The following MYBPC3 variants were observed in gnomAD, a reference collection of about 807,000 sequenced individuals.
The protein encoded by MYBPC3 is myosin-binding protein C, cardiac-type.
Under a neutral mutation model 159.3 loss-of-function variants are expected in MYBPC3, and 108 were observed. That is an observed-to-expected ratio of 0.68 (90% CI 0.58 to 0.80). The LOEUF (loss-of-function observed/expected upper bound fraction) is 0.80. Among genes scored for constraint, MYBPC3 ranks in the 30% least tolerant of loss-of-function variants. MYBPC3 has a pLI of 0.00. For synonymous variants in MYBPC3, 730 were observed against 702.0 expected, an observed-to-expected ratio of 1.04 and a Z score of -0.63; for missense variants, 1,631 against 1,762.1, an observed-to-expected ratio of 0.93 and a Z score of 1.33.
At chr11:47,342,376 G>A (rs2095889576) in intron 17 of MYBPC3, among the ~76,000 whole-genome samples, 1 of 152,198 alleles carries the variant, frequency 6.6e-6, no homozygotes, top group South Asian at 2.1e-4. Flanking sequence ...CACCAGGCCC[G>A]TATGACCCTC....
chr11:47,335,739 C>G, intron 26 of MYBPC3, 138 bp downstream of exon 26: 1 of 716,284 alleles, frequency 1.4e-6, no homozygotes, highest in Non-Finnish European at 2.1e-6. Context: ...CTTCTGAAAA[C>G]AGGACAGATA....
At chr11:47,341,805 T>G (rs2095888864) in intron 18 of MYBPC3, among the ~76,000 whole-genome samples, 186 bp downstream of exon 18, 1 of 152,196 alleles carries the variant, frequency 6.6e-6, no homozygotes, top group Non-Finnish European at 1.5e-5. Flanking sequence ...TCTTTCTGTC[T>G]CTTTGTCTTT....
Position 47,351,228 on chromosome 11 carries a change from C to G in MYBPC3, c.292+11G>C, listed in dbSNP as rs1401899455. ...AGCCCAAACCTCAGGGAAGGCTGAT[C>G]AGGATCTTACCTGCCTCTATGACCT... On this transcript the variant is annotated intron_variant, in intron 2 of 34. Coordinates refer to ENST00000545968, the MANE Select transcript of MYBPC3 (RefSeq NM_000256.3). This position sits in a 1 kb window ranked among gnomAD's most constrained non-coding sequence, Gnocchi z 4.2. The G allele has an allele frequency of 1.4e-6, 2 of 1,426,174 alleles. No individual in the cohort carries two copies. Among genetic ancestry groups the G allele is most frequent in the Non-Finnish European group, 1.9e-6 (2 of 1,066,020 alleles). 88.3% of individuals were successfully genotyped at this position (1,426,174 alleles called of 1,614,324 possible). A position where few individuals can be genotyped will look rare whatever the true frequency, so the allele number is the denominator to read the frequency against.
Position 47,346,716 on chromosome 11 carries a change from C to G in MYBPC3, c.909-72G>C. Reference sequence around the variant, plus strand: ...GGTATGGCCACCTTCCCTCAAAGACCTGGACCCCACCCATGGGCCTTTACT... The same window carrying G: ...GGTATGGCCACCTTCCCTCAAAGACGTGGACCCCACCCATGGGCCTTTACT... On this transcript the variant is annotated intron_variant, in intron 10 of 34. Coordinates refer to ENST00000545968, the MANE Select transcript of MYBPC3 (RefSeq NM_000256.3). The surrounding 1 kb of genome is among the most constrained non-coding windows in gnomAD (Gnocchi z 5.3). 6.9e-7 allele frequency: 1 copy of G among 1,458,398 alleles called. No individual in the cohort carries two copies. Among genetic ancestry groups the G allele is most frequent in the Non-Finnish European group, 9.3e-7 (1 of 1,080,834 alleles). 90.3% of individuals were successfully genotyped at this position (1,458,398 alleles called of 1,614,324 possible). A position where few individuals can be genotyped will look rare whatever the true frequency, so the allele number is the denominator to read the frequency against.
At position 47,338,168 on chromosome 11, in the gene MYBPC3, C is replaced by T. The variant is rs555716153; in HGVS notation, c.2308+352G>A. ...ATTCTCCACACCCAAAAGGCCCTTT[C>T]CCTCCTCCACCCCTTTGTACACAGT... On this transcript the variant is annotated intron_variant, in intron 23 of 34. Coordinates refer to ENST00000545968, the MANE Select transcript of MYBPC3 (RefSeq NM_000256.3). The surrounding 1 kb of genome is among the most constrained non-coding windows in gnomAD (Gnocchi z 4.7). 4.1e-4 allele frequency among the ~76,000 whole-genome samples: 62 copies of T among 152,190 alleles called. No homozygotes were observed. The highest frequency in any genetic ancestry group is 7.5e-4 in the Non-Finnish European group (51 of 67,998).
At chr11:47,348,812 G>A (rs2095897225) in intron 5 of MYBPC3, among the ~76,000 whole-genome samples, 1 of 149,562 alleles carries the variant, frequency 6.7e-6, no homozygotes, top group African/African-American at 2.5e-5. Context: ...GGCTGAGGTG[G>A]GAGAATCGCT....
At chr11:47,333,776 C>A in intron 28 of MYBPC3, 24 bp from the exon 29 acceptor site, 1 of 1,578,286 alleles carries the variant, frequency 6.3e-7, no homozygotes, top group Non-Finnish European at 8.6e-7. Flanking sequence ...AAGCTTAACC[C>A]TGAACCTGGA....
chr11:47,350,512 TG>T lies in MYBPC3; in HGVS notation c.395del (p.Pro132GlnfsTer27). The stretch of plus-strand genomic sequence containing the variant: ...CCCAGCCCCTCTCACCTTTGGGACT[TG>T]GGGCACTTTCTCCCAGCTCAGCGGC... ...APAAELGESA[P>X]SPKGSSSAAL... On this transcript the variant is annotated frameshift_variant, in exon 3 of 35. Coordinates refer to ENST00000545968, the MANE Select transcript of MYBPC3 (RefSeq NM_000256.3). LOFTEE classifies it high-confidence loss of function. The T allele has an allele frequency of 6.4e-7, 1 of 1,558,296 alleles. No individual in the cohort carries two copies. The highest frequency in any genetic ancestry group is 8.7e-7 in the Non-Finnish European group (1 of 1,155,614).
Position 47,346,911 on chromosome 11 carries a change from G to T in MYBPC3, c.908+116C>A. On this transcript the variant is annotated intron_variant, in intron 10 of 34. Coordinates refer to ENST00000545968, the MANE Select transcript of MYBPC3 (RefSeq NM_000256.3). This position sits in a 1 kb window ranked among gnomAD's most constrained non-coding sequence, Gnocchi z 5.3. ...GGCACAGAGACTCACCCCTGTCCGTGGGGAGCCGCACCCTGCTCTGAGTCT... is the reference window on the plus strand; with the variant it reads ...GGCACAGAGACTCACCCCTGTCCGTTGGGAGCCGCACCCTGCTCTGAGTCT... 1 of 741,726 alleles carries T rather than the reference G, an allele frequency of 1.3e-6. No individual in the cohort carries two copies. Among genetic ancestry groups the T allele is most frequent in the Non-Finnish European group, 2.5e-6 (1 of 408,152 alleles). 45.9% of individuals were successfully genotyped at this position (741,726 alleles called of 1,614,324 possible).
chr11:47,333,758 G>A lies in MYBPC3; in HGVS notation c.2995-6C>T. ...ACCTGAGGCCGGGGCTTGCCCTGAG[G>A]GGAGGAAAAGCTTAACCCTGAACCT... is the stretch of plus-strand genomic sequence containing the variant. On this transcript the variant is annotated splice_region_variant and splice_polypyrimidine_tract_variant and intron_variant, in intron 28 of 34. Transcript: ENST00000545968. 6.3e-7 allele frequency: 1 copy of A among 1,587,168 alleles called. No individual in the cohort carries two copies. The highest frequency in any genetic ancestry group is 8.6e-7 in the Non-Finnish European group (1 of 1,167,494).
intron 26 of MYBPC3, 141 bp downstream of exon 26, chr11:47,335,736 A>G (rs2095881571): frequency 2.8e-6 from 2 of 713,842 alleles, no homozygotes; most frequent in Non-Finnish European, 4.2e-6. Context: ...TTACTTCTGA[A>G]AACAGGACAG....
Position 47,350,493 on chromosome 11 carries a change from C to G in MYBPC3, c.406+9G>C, listed in dbSNP as rs1477154867. 6.4e-7 allele frequency: 1 copy of G among 1,553,464 alleles called. No homozygotes were observed. Among genetic ancestry groups the G allele is most frequent in the Non-Finnish European group, 8.7e-7 (1 of 1,151,360 alleles). ...CGGATCCTGCCCCTCCCTGCCCAGC[C>G]CCTCTCACCTTTGGGACTTGGGGCA... is the stretch of plus-strand genomic sequence containing the variant. On this transcript the variant is annotated intron_variant, in intron 3 of 34. Coordinates refer to ENST00000545968, the MANE Select transcript of MYBPC3 (RefSeq NM_000256.3).
rs2095893750 is a variant in MYBPC3, at chr11:47,346,098, G to A, written c.1090+109C>T. ...TGTGGACGAGGTGGGGGGCTAACCTGTGCCCTCTCCTCTCCCCTGTGGGGA... is the reference window on the plus strand; with the variant it reads ...TGTGGACGAGGTGGGGGGCTAACCTATGCCCTCTCCTCTCCCCTGTGGGGA... On this transcript the variant is annotated intron_variant, in intron 12 of 34. Transcript: ENST00000545968. This position sits in a 1 kb window ranked among gnomAD's most constrained non-coding sequence, Gnocchi z 5.3. 1.4e-6 allele frequency: 2 copies of A among 1,454,460 alleles called. No individual in the cohort carries two copies. The highest frequency in any genetic ancestry group is 2.0e-5 in the Admixed American group (1 of 49,598). 90.1% of individuals were successfully genotyped at this position (1,454,460 alleles called of 1,614,324 possible).
In MYBPC3 at chr11:47,335,973, C is replaced by A. The variant is rs727504360; in HGVS notation, c.2641G>T (p.Val881Phe). 4 of 1,552,572 alleles carry A rather than the reference C, an allele frequency of 2.6e-6. No individual in the cohort carries two copies. The highest frequency in any genetic ancestry group is 2.6e-6 in the Non-Finnish European group (3 of 1,150,354). The change falls in exon 26 of 35, where the codon GTC becomes TTC. Residue 881 changes from valine (V) to phenylalanine (F), a missense_variant. Physicochemically the swap from Val to Phe is conservative, Grantham distance 50 (BLOSUM62 -1). Coordinates refer to ENST00000545968, the MANE Select transcript of MYBPC3 (RefSeq NM_000256.3). ...SEPTHLAVED[V>F]SDTTVSLKWR... ...TTGAGGGAGACCGTGGTGTCAGAGA[C>A]GTCCTCTACTGCCAGGTGGGTGGGT... is the stretch of plus-strand genomic sequence containing the variant.
At chr11:47,347,926 G>A (rs1280379428) in intron 6 of MYBPC3, 21 bp from the exon 7 acceptor site, 4 of 1,568,926 alleles carry the variant, frequency 2.5e-6, no homozygotes, top group Middle Eastern at 1.7e-4. Flanking sequence ...AGGGTGGAGA[G>A]ATGGGGGAAG....
intron 6 of MYBPC3, among the ~76,000 whole-genome samples, chr11:47,348,142 G>A (rs183784023): frequency 2.4e-4 from 36 of 152,206 alleles, no homozygotes; most frequent in African/African-American, 7.7e-4. Context: ...TTCACCCATC[G>A]CCCAAACATT....
At chr11:47,340,188 C>A (rs2095887001) in intron 20 of MYBPC3, among the ~76,000 whole-genome samples, 1 of 150,542 alleles carries the variant, frequency 6.6e-6, no homozygotes. Flanking sequence ...CACACACAGA[C>A]ACACACATGC....
chr11:47,338,512 G>C lies in MYBPC3; in HGVS notation c.2308+8C>G. 1 of 1,613,962 alleles carries C rather than the reference G, an allele frequency of 6.2e-7. No individual in the cohort carries two copies. The highest frequency in any genetic ancestry group is 8.5e-7 in the Non-Finnish European group (1 of 1,179,862). On this transcript the variant is annotated splice_region_variant and intron_variant, in intron 23 of 34. Coordinates refer to ENST00000545968, the MANE Select transcript of MYBPC3 (RefSeq NM_000256.3). The surrounding 1 kb of genome is among the most constrained non-coding windows in gnomAD (Gnocchi z 4.7). ...GTGTTCTCCAGCTTGGACCCCGGCC[G>C]GCCTCACCGATGACCTTGACTGTGA...
intron 20 of MYBPC3, 125 bp downstream of exon 20, chr11:47,340,878 T>G: frequency 8.9e-7 from 1 of 1,119,370 alleles, no homozygotes; most frequent in Non-Finnish European, 1.2e-6. Context: ...GTGGCAAAGC[T>G]GAAGCTGGGC....
Sources: gnomAD v4.1 joint callset for allele counts (sites outside exome capture counted in the v4.1 genomes callset) on GRCh38, gnomAD v4.1.1 for gene constraint, Gnocchi (gnomAD v3.1) non-coding constraint, MANE v1.5 for transcripts, NCBI Gene and HGNC (gene_info 2026-07-23, HGNC 2026-07-21) for gene names.